WWOX: variants seen among roughly 807,000 people sequenced by gnomAD.
WWOX encodes the protein WW domain containing oxidoreductase.
Under a neutral mutation model 46.2 loss-of-function variants are expected in WWOX, and 69 were observed. The observed-to-expected ratio is 1.49, with a 90% CI of 1.23 to 1.82. The LOEUF is 1.82. WWOX is among the 40% of genes most tolerant of loss of function. WWOX has a pLI of 0.00. For missense variants in WWOX, 919 were observed against 542.6 expected, an observed-to-expected ratio of 1.69 and a Z score of -6.89; for synonymous variants, 359 against 202.6, an observed-to-expected ratio of 1.77 and a Z score of -6.56.
At chr16:78,985,583 A>G (rs2151339018) in intron 8 of WWOX, among the ~76,000 whole-genome samples, 1 of 152,350 alleles carries the variant, frequency 6.6e-6, no homozygotes, top group East Asian at 1.9e-4. Flanking sequence ...AGCCTGACAA[A>G]CATGGTGAAA....
chr16:78,960,200 C>G (rs562263211), intron 8 of WWOX, among the ~76,000 whole-genome samples: 21 of 152,166 alleles, frequency 1.4e-4, no homozygotes, highest in Non-Finnish European at 2.6e-4. Flanking sequence ...TAGTACCTGA[C>G]TTGTAATGTC....
chr16:78,601,991 G>T (rs1597331767), intron 8 of WWOX, among the ~76,000 whole-genome samples: 1 of 152,144 alleles, frequency 6.6e-6, no homozygotes, highest in Admixed American at 6.5e-5. Flanking sequence ...AAATTATAGA[G>T]TCAGGCAAAC....
Position 78,661,819 on chromosome 16 carries a change from C to T in WWOX, c.1056+229067C>T, listed in dbSNP as rs968335089. Among the ~76,000 whole-genome samples, 3 of 152,216 alleles carry T rather than the reference C, an allele frequency of 2.0e-5. No individual in the cohort carries two copies. In the East Asian group the frequency reaches 5.8e-4, roughly 29 times the overall value. On this transcript the variant is annotated intron_variant, in intron 8 of 8. Transcript: ENST00000566780. ...TGAGAGGCCGAGGCCGGTGTATCGC[C>T]TGAGTCCAGGAGTTAGAGACCAGCC...
At chr16:79,021,178 GA>G (rs1008185899) in intron 8 of WWOX, among the ~76,000 whole-genome samples, 1 of 152,170 alleles carries the variant, frequency 6.6e-6, no homozygotes, top group Non-Finnish European at 1.5e-5. Flanking sequence ...TAAAGACAAG[GA>G]AACGCCATTC....
At chr16:78,239,047 A>G (rs561899151) in intron 5 of WWOX, among the ~76,000 whole-genome samples, 3 of 152,224 alleles carry the variant, frequency 2.0e-5, no homozygotes, top group East Asian at 3.9e-4. Flanking sequence ...TGATTCCAGG[A>G]TGCTCTAACC....
intron 8 of WWOX, among the ~76,000 whole-genome samples, chr16:78,878,688 T>C (rs1304091670): frequency 6.6e-6 from 1 of 152,088 alleles, no homozygotes; most frequent in African/African-American, 2.4e-5. Flanking sequence ...CTTAATTTCC[T>C]TTATAGACCC....
At chr16:79,087,981 C>T (rs960104938) in intron 8 of WWOX, among the ~76,000 whole-genome samples, 15 of 152,162 alleles carry the variant, frequency 9.9e-5, no homozygotes, top group African/African-American at 3.6e-4. Flanking sequence ...ATCTCCTTGG[C>T]TTCTCTCTTC....
intron 8 of WWOX, among the ~76,000 whole-genome samples, chr16:78,512,140 G>T (rs898421016): frequency 3.2e-4 from 48 of 152,130 alleles, no homozygotes; most frequent in Non-Finnish European, 2.8e-4. Context: ...GATAAAGATT[G>T]TGTGATCAAG....
chr16:78,589,498 G>A (rs576763321), intron 8 of WWOX, among the ~76,000 whole-genome samples: 1 of 152,230 alleles, frequency 6.6e-6, no homozygotes, highest in African/African-American at 2.4e-5. Flanking sequence ...CATCATCTCA[G>A]CCTCCCTGCC....
intron 8 of WWOX, among the ~76,000 whole-genome samples, chr16:79,060,739 A>G (rs2048343864): frequency 6.6e-6 from 1 of 152,224 alleles, no homozygotes; most frequent in South Asian, 2.1e-4. Flanking sequence ...TATGGAGAAT[A>G]GCTTTAGTCC....
chr16:78,793,662 T>C (rs1487953208), intron 8 of WWOX, among the ~76,000 whole-genome samples: 1 of 152,170 alleles, frequency 6.6e-6, no homozygotes, highest in Non-Finnish European at 1.5e-5. Context: ...TTTTTCAGAC[T>C]ATTCAGCCAT....
At chr16:78,200,794 C>T (rs537153416) in intron 5 of WWOX, among the ~76,000 whole-genome samples, 2 of 152,170 alleles carry the variant, frequency 1.3e-5, no homozygotes, top group African/African-American at 4.8e-5. Flanking sequence ...TGGGTGGAAG[C>T]ACTTTGCACG....
At chr16:78,488,962 G>A (rs144510161) in intron 8 of WWOX, among the ~76,000 whole-genome samples, 1 of 152,252 alleles carries the variant, frequency 6.6e-6, no homozygotes, top group East Asian at 1.9e-4. Flanking sequence ...AGGCTGCCTT[G>A]TTGCCTCCTG....
Position 78,885,587 on chromosome 16 carries a change from C to G in WWOX, c.1057-326021C>G, listed in dbSNP as rs76386043. 0.013 allele frequency among the ~76,000 whole-genome samples: 2,019 copies of G among 152,242 alleles called. 103 individuals carry two copies. In the East Asian group the frequency reaches 0.18, roughly 13 times the overall value. On this transcript the variant is annotated intron_variant, in intron 8 of 8. Coordinates refer to ENST00000566780, the MANE Select transcript of WWOX (RefSeq NM_016373.4). ...GATTTCCAACATAGAGTTCTGCTAA[C>G]CAAAATTCAGAGAAACTAGAGCCTC... is the stretch of plus-strand genomic sequence containing the variant.
At chr16:78,354,021 C>T (rs533943211) in intron 5 of WWOX, among the ~76,000 whole-genome samples, 2 of 152,332 alleles carry the variant, frequency 1.3e-5, no homozygotes, top group South Asian at 2.1e-4. Flanking sequence ...TTATTTTCTT[C>T]ATAAGAATTC....
chr16:79,071,845 G>C (rs2048557154), intron 8 of WWOX, among the ~76,000 whole-genome samples: 1 of 152,230 alleles, frequency 6.6e-6, no homozygotes, highest in African/African-American at 2.4e-5. Context: ...CTTCTCTGGA[G>C]ACAATGGTCA....
At chr16:78,915,380 T>A (rs563293766) in intron 8 of WWOX, among the ~76,000 whole-genome samples, 2 of 152,284 alleles carry the variant, frequency 1.3e-5, no homozygotes, top group Admixed American at 6.5e-5. Context: ...GCTGGGAGAT[T>A]TTTCCATCTA....
chr16:78,690,806 A>G (rs983307348), intron 8 of WWOX, among the ~76,000 whole-genome samples: 4 of 152,134 alleles, frequency 2.6e-5, no homozygotes. Flanking sequence ...AGTAAAATGA[A>G]TGGCATATGC....
intron 8 of WWOX, among the ~76,000 whole-genome samples, chr16:79,050,687 A>G (rs1047830957): frequency 6.6e-6 from 1 of 152,180 alleles, no homozygotes; most frequent in Non-Finnish European, 1.5e-5. Context: ...CTTCCGTTAC[A>G]ATTGAAAAAA....
Sources: gnomAD v4.1 joint callset for allele counts (sites outside exome capture counted in the v4.1 genomes callset) on GRCh38, gnomAD v4.1.1 for gene constraint, MANE v1.5 for transcripts, NCBI Gene and HGNC (gene_info 2026-07-23, HGNC 2026-07-21) for gene names.